Variants in IPPK observed in about 807,000 individuals in gnomAD.
IPPK encodes IPK1 homolog.
IPPK carries 22 observed loss-of-function variants against 64.6 expected under a neutral mutation model. The ratio of observed to expected loss-of-function variants is 0.34; its 90% CI spans 0.24 to 0.49. The LOEUF is 0.49. Ranked by LOEUF, IPPK falls within the 20% of genes least tolerant of loss-of-function variation. The pLI is 0.99. For missense variants in IPPK, 532 were observed against 630.7 expected (o/e 0.84, Z 1.68); for synonymous variants, 262 against 247.2 (o/e 1.06, Z -0.56).
At chr9:92,625,192 A>G (rs762741609) in intron 11 of IPPK, among the ~76,000 whole-genome samples, 9 of 152,254 alleles carry the variant, frequency 5.9e-5, no homozygotes, top group Non-Finnish European at 1.2e-4. Flanking sequence ...TTTCACAATG[A>G]TTAATGAAGC....
intron 1 of IPPK, among the ~76,000 whole-genome samples, chr9:92,666,908 T>C (rs1051003083): frequency 4.6e-5 from 7 of 152,046 alleles, no homozygotes; most frequent in African/African-American, 1.4e-4. Context: ...AGTCCTGCGC[T>C]GCACAGAAGG....
chr9:92,647,176 T>C (rs1010659830), intron 6 of IPPK, among the ~76,000 whole-genome samples: 5 of 152,048 alleles, frequency 3.3e-5, no homozygotes, highest in Non-Finnish European at 7.4e-5. Flanking sequence ...TAGATGAAAA[T>C]GGACAAATTC....
intron 11 of IPPK, among the ~76,000 whole-genome samples, chr9:92,626,930 A>AAC (rs397952017): frequency 4.6e-5 from 7 of 151,876 alleles, no homozygotes; most frequent in African/African-American, 7.2e-5. Context: ...AAAAAAAAAA[A>AAC]CAGAAATGAA....
intron 2 of IPPK, 146 bp downstream of exon 2, chr9:92,658,488 G>A (rs1280978761): frequency 1.4e-6 from 1 of 724,976 alleles, no homozygotes; most frequent in Non-Finnish European, 2.4e-6. Context: ...TTTATATCAG[G>A]AATGATGGAC....
chr9:92,619,446 C>A, intron 12 of IPPK, 40 bp downstream of exon 12: 1 of 1,504,974 alleles, frequency 6.6e-7, no homozygotes, highest in African/African-American at 1.4e-5. Flanking sequence ...CATAAAACCC[C>A]GTTAGACCCA....
intron 11 of IPPK, among the ~76,000 whole-genome samples, chr9:92,631,835 G>C (rs201619416): frequency 6.6e-6 from 1 of 152,226 alleles, no homozygotes; most frequent in Non-Finnish European, 1.5e-5. Flanking sequence ...CCACAGTCAA[G>C]ATACAGAACA....
intron 1 of IPPK, among the ~76,000 whole-genome samples, chr9:92,667,451 G>A (rs945426564): frequency 1.3e-5 from 2 of 152,206 alleles, no homozygotes; most frequent in Non-Finnish European, 2.9e-5. Context: ...GGGCAGAGCT[G>A]GTGGGCTAGG....
intron 11 of IPPK, among the ~76,000 whole-genome samples, chr9:92,632,791 G>C (rs1851868751): frequency 6.6e-6 from 1 of 152,164 alleles, no homozygotes. Flanking sequence ...AAAACAGACA[G>C]CTGCAGCCCC....
At position 92,614,965 on chromosome 9, in the gene IPPK, A is replaced by G. The variant is rs998192426; in HGVS notation, c.*867T>C. 2.0e-5 allele frequency: 3 copies of G among 152,246 alleles called. No individual in the cohort carries two copies. Among genetic ancestry groups the G allele is most frequent in the African/African-American group, 7.2e-5 (3 of 41,422 alleles). 9.4% of individuals were successfully genotyped at this position (152,246 alleles called of 1,614,324 possible). A position where few individuals can be genotyped will look rare whatever the true frequency, so the allele number is the denominator to read the frequency against. ...GGGAGGAACTTGGTCTGGGAGGAAG[A>G]GAGAACTCGCTCCTCAACCACCCCA... On this transcript the variant is annotated 3_prime_UTR_variant, in exon 13 of 13. Transcript: ENST00000287996.
At chr9:92,639,485 A>C (rs1852006496) in intron 8 of IPPK, among the ~76,000 whole-genome samples, 1 of 152,192 alleles carries the variant, frequency 6.6e-6, no homozygotes, top group Non-Finnish European at 1.5e-5. Context: ...TCTTAAAATC[A>C]TTCTGCATCC....
chr9:92,636,704 TAAGTA>T (rs1851950118), intron 9 of IPPK, among the ~76,000 whole-genome samples: 1 of 152,110 alleles, frequency 6.6e-6, no homozygotes, highest in East Asian at 1.9e-4. Flanking sequence ...TTATGCTAGT[TAAGTA>T]AAGAAAGTCA....
intron 2 of IPPK, among the ~76,000 whole-genome samples, chr9:92,658,267 T>A (rs1037426964): frequency 2.0e-5 from 3 of 152,178 alleles, no homozygotes; most frequent in Non-Finnish European, 4.4e-5. Flanking sequence ...CACTGGAGAC[T>A]CTATTTTCAT....
At chr9:92,654,976 G>C (rs1852342196) in intron 3 of IPPK, among the ~76,000 whole-genome samples, 1 of 152,256 alleles carries the variant, frequency 6.6e-6, no homozygotes, top group Non-Finnish European at 1.5e-5. Context: ...GGTTCCTCCA[G>C]TATGTAAGGA....
rs565107684 is a variant in IPPK at position 92,654,640 on chromosome 9, C to A, written c.225+1816G>T. Reference sequence around the variant, plus strand: ...CCAACCAGCTCTTGCACAAGGTATTCACCTAAGAGGACCAGAGGGAAAGCC... The same window carrying A: ...CCAACCAGCTCTTGCACAAGGTATTAACCTAAGAGGACCAGAGGGAAAGCC... On this transcript the variant is annotated intron_variant, in intron 3 of 12. Transcript: ENST00000287996. 3.3e-5 allele frequency among the ~76,000 whole-genome samples: 5 copies of A among 152,352 alleles called. No homozygotes were observed. In the East Asian group the frequency reaches 9.6e-4, roughly 29 times the overall value.
At chr9:92,638,601 A>G (rs1209202226) in intron 8 of IPPK, among the ~76,000 whole-genome samples, 3 of 152,254 alleles carry the variant, frequency 2.0e-5, no homozygotes, top group Non-Finnish European at 4.4e-5. Context: ...GCTCACCACA[A>G]GTGACAAACT....
chr9:92,666,717 C>T (rs2131467396), intron 1 of IPPK, among the ~76,000 whole-genome samples: 1 of 152,334 alleles, frequency 6.6e-6, no homozygotes, highest in Non-Finnish European at 1.5e-5. Flanking sequence ...AAATGAGAAT[C>T]ATCCTGGGCC....
chr9:92,667,928 T>C (rs1170329387), intron 1 of IPPK, among the ~76,000 whole-genome samples: 1 of 149,020 alleles, frequency 6.7e-6, no homozygotes, highest in Admixed American at 6.7e-5. Context: ...ATAGCATAGG[T>C]CTAGAACAGC....
In IPPK at chr9:92,615,972, C is replaced by T. The variant is rs146410819; in HGVS notation, c.1336G>A (p.Glu446Lys). The change falls in exon 13 of 13, where the codon GAG (glutamate) becomes AAG (lysine). Residue 446 changes from glutamate to lysine, a missense_variant. Glu to Lys is a moderately conservative substitution (Grantham distance 56). Transcript: ENST00000287996. Reference protein sequence around the residue: ...SVLDLDLKPYESIPHQYKLDG... With the variant: ...SVLDLDLKPYKSIPHQYKLDG... Reference sequence around the variant, plus strand: ...AGTTTATACTGATGGGGAATGCTCTCGTAGGGCTTGAGGTCAAGGTCCAGC... The same window carrying T: ...AGTTTATACTGATGGGGAATGCTCTTGTAGGGCTTGAGGTCAAGGTCCAGC... 3.2e-5 allele frequency: 52 copies of T among 1,614,102 alleles called. No homozygotes were observed. The African/African-American group carries it at 3.3e-4, about 10-fold the overall frequency.
chr9:92,624,057 C>T (rs1298932702), intron 11 of IPPK, among the ~76,000 whole-genome samples: 1 of 152,212 alleles, frequency 6.6e-6, no homozygotes, highest in Non-Finnish European at 1.5e-5. Flanking sequence ...CAAAACTAGG[C>T]CAGGCACAGT....
Sources: allele counts gnomAD v4.1 joint callset (sites outside exome capture counted in the v4.1 genomes callset), GRCh38; gene constraint gnomAD v4.1.1; transcripts MANE v1.5; gene names NCBI Gene and HGNC (gene_info 2026-07-23, HGNC 2026-07-21).